The following UNC13C variants were observed in gnomAD, a reference collection of about 807,000 sequenced individuals.
UNC13C encodes protein unc-13 homolog C.
A neutral mutation model predicts 245.4 loss-of-function variants in UNC13C; 174 were observed. The ratio of observed to expected loss-of-function variants is 0.71; its 90% CI spans 0.63 to 0.80. UNC13C has a LOEUF of 0.80. UNC13C is among the 30% of genes least tolerant of loss of function. UNC13C has a pLI of 0.00. For missense variants in UNC13C, 2,829 were observed against 2,602.9 expected, an observed-to-expected ratio of 1.09 and a Z score of -1.89; for synonymous variants, 992 against 895.1, an observed-to-expected ratio of 1.11 and a Z score of -1.93.
chr15:54,335,963 T>A (rs937233110), intron 16 of UNC13C, among the ~76,000 whole-genome samples: 6 of 152,118 alleles, frequency 3.9e-5, no homozygotes, highest in Non-Finnish European at 8.8e-5. Context: ...TATGTATGTA[T>A]ATATTTCTTA....
chr15:54,408,534 C>T (rs138968899), intron 18 of UNC13C, among the ~76,000 whole-genome samples: 19 of 152,046 alleles, frequency 1.2e-4, no homozygotes, highest in African/African-American at 4.1e-4. Context: ...AGTAAAACTC[C>T]GATTGATTCT....
intron 2 of UNC13C, among the ~76,000 whole-genome samples, chr15:54,059,124 A>G (rs1190811380): frequency 2.0e-5 from 3 of 152,172 alleles, no homozygotes; most frequent in African/African-American, 7.2e-5. Context: ...GCAATCAGGC[A>G]GGAGAAAGAA....
chr15:54,052,435 CT>C (rs1296358357), intron 2 of UNC13C, among the ~76,000 whole-genome samples: 1 of 151,248 alleles, frequency 6.6e-6, no homozygotes, highest in Non-Finnish European at 1.5e-5. Context: ...TGTTTCCTGA[CT>C]TTTTAATGAT....
chr15:54,254,440 A>C (rs2036228366), intron 8 of UNC13C, among the ~76,000 whole-genome samples: 1 of 152,218 alleles, frequency 6.6e-6, no homozygotes, highest in African/African-American at 2.4e-5. Context: ...GAAACTTGGA[A>C]GTAGGATTCC....
chr15:54,447,178 C>G (rs1890864592), intron 19 of UNC13C, among the ~76,000 whole-genome samples: 1 of 152,144 alleles, frequency 6.6e-6, no homozygotes, highest in Non-Finnish European at 1.5e-5. Context: ...TGATATGCTG[C>G]TGGATTCAGT....
chr15:54,448,487 G>T (rs376105712), intron 19 of UNC13C, among the ~76,000 whole-genome samples: 1 of 152,188 alleles, frequency 6.6e-6, no homozygotes, highest in Non-Finnish European at 1.5e-5. Context: ...ATTTAGGATA[G>T]TTAGCTCTTC....
intron 4 of UNC13C, among the ~76,000 whole-genome samples, chr15:54,165,765 C>T (rs55717039): frequency 0.17 from 26,440 of 151,908 alleles, 3,442 homozygotes; most frequent in African/African-American, 0.35. Context: ...CCTCAACATA[C>T]ATTTTATTTT....
At chr15:53,908,311 T>C in the UNC13C span, among the ~76,000 whole-genome samples, 1 of 146,596 alleles carries the variant, frequency 6.8e-6, no homozygotes, top group African/African-American at 2.4e-5. Flanking sequence ...ACTTAGGGAA[T>C]ACTGTAAAGT....
intron 18 of UNC13C, 35 bp from the exon 19 acceptor site, chr15:54,414,947 T>G (rs1350208128): frequency 6.4e-7 from 1 of 1,555,700 alleles, no homozygotes; most frequent in African/African-American, 1.4e-5. Flanking sequence ...CATGCTTTTC[T>G]TCTTCATACA....
chr15:54,357,699 T>C (rs186645658), intron 17 of UNC13C, among the ~76,000 whole-genome samples: 4 of 152,188 alleles, frequency 2.6e-5, no homozygotes, highest in Admixed American at 2.6e-4. Context: ...TCTGGGGAGA[T>C]AATTACTGAG....
rs1417655645 is a variant in UNC13C at position 54,339,644 on chromosome 15, T to TAG, written c.4713+1156_4713+1157insGA. Reference sequence around the variant, plus strand: ...AGTAGTATTCCATTATGTGGAGATATATATATATATATATATATATCACAG... The same window carrying TAG: ...AGTAGTATTCCATTATGTGGAGATATAGATATATATATATATATATATCACAG... On this transcript the variant is annotated intron_variant, in intron 17 of 32. Coordinates refer to ENST00000260323, the MANE Select transcript of UNC13C (RefSeq NM_001080534.3). 5.1e-4 allele frequency among the ~76,000 whole-genome samples: 5 copies of TAG among 9,834 alleles called. No homozygotes were observed. The East Asian group carries it at 0.019, about 38-fold the overall frequency. 6.5% of individuals were successfully genotyped at this position (9,834 alleles called of 152,430 possible). A position where few individuals can be genotyped will look rare whatever the true frequency, so the allele number is the denominator to read the frequency against.
intron 2 of UNC13C, among the ~76,000 whole-genome samples, chr15:54,065,023 A>G (rs1195009533): frequency 2.6e-5 from 4 of 152,202 alleles, no homozygotes; most frequent in Non-Finnish European, 5.9e-5. Context: ...CATTCACCCC[A>G]ATGGTATCCT....
At chr15:54,228,014 A>T (rs1003744602) in intron 4 of UNC13C, among the ~76,000 whole-genome samples, 13 of 152,098 alleles carry the variant, frequency 8.5e-5, no homozygotes, top group Non-Finnish European at 1.9e-4. Context: ...AAACTTTAGG[A>T]ATCTACCTGG....
chr15:54,214,827 T>A (rs572479749), intron 4 of UNC13C, among the ~76,000 whole-genome samples: 1 of 152,082 alleles, frequency 6.6e-6, no homozygotes, highest in East Asian at 1.9e-4. Flanking sequence ...CAAGGAACAT[T>A]AATGCACACG....
chr15:53,964,384 C>G, the UNC13C span, among the ~76,000 whole-genome samples: 74 of 152,276 alleles, frequency 4.9e-4, 1 homozygote, highest in African/African-American at 1.7e-3. Flanking sequence ...AAGAATTACA[C>G]TTAGTACAAA....
intron 4 of UNC13C, among the ~76,000 whole-genome samples, chr15:54,159,442 T>A (rs1814349): frequency 0.99 from 151,377 of 152,362 alleles, 75,212 homozygotes; most frequent in Middle Eastern, 1. Context: ...TGTTTGTCCT[T>A]TGAGTCTTTT....
intron 4 of UNC13C, among the ~76,000 whole-genome samples, chr15:54,149,971 G>T (rs2141248650): frequency 6.6e-6 from 1 of 152,330 alleles, no homozygotes; most frequent in Admixed American, 6.5e-5. Flanking sequence ...ATATAAGGCA[G>T]TTGAGTATCT....
At chr15:54,466,954 G>T (rs1054676464) in intron 19 of UNC13C, among the ~76,000 whole-genome samples, 1 of 151,854 alleles carries the variant, frequency 6.6e-6, no homozygotes, top group Non-Finnish European at 1.5e-5. Context: ...TAGGAGACCT[G>T]TGAATTTCCA....
chr15:54,205,798 C>T (rs1316184244), intron 4 of UNC13C, among the ~76,000 whole-genome samples: 1 of 152,078 alleles, frequency 6.6e-6, no homozygotes, highest in Non-Finnish European at 1.5e-5. Flanking sequence ...TTTCACAGCA[C>T]ACATCTCAGA....
Sources: allele counts gnomAD v4.1 joint callset (sites outside exome capture counted in the v4.1 genomes callset), GRCh38; gene constraint gnomAD v4.1.1; transcripts MANE v1.5; gene names NCBI Gene and HGNC (gene_info 2026-07-23, HGNC 2026-07-21).